Variants in KDM6A observed in about 807,000 individuals in gnomAD.
KDM6A encodes lysine-specific demethylase 6A.
KDM6A carries 11 observed loss-of-function variants against 117.6 expected under a neutral mutation model. That is an observed-to-expected ratio of 0.09 (90% CI 0.06 to 0.15). The LOEUF (loss-of-function observed/expected upper bound fraction) is 0.15, where lower values mean the gene tolerates loss of function less well. Ranked by LOEUF, KDM6A falls within the 10% of genes least tolerant of loss-of-function variation. KDM6A has a pLI of 1.00. For missense variants in KDM6A, 799 were observed against 1,077.3 expected (o/e 0.74, Z 3.62); for synonymous variants, 384 against 396.1 (o/e 0.97, Z 0.36).
At chrX:45,108,901 T>C (rs1178742971) in intron 28 of KDM6A, among the ~76,000 whole-genome samples, 1 of 96,890 alleles carries the variant, frequency 1.0e-5, no homozygotes, top group Non-Finnish European at 2.0e-5. Flanking sequence ...TTCTCACTCA[T>C]AGGTGGGAAT....
chrX:45,053,726 G>T, intron 9 of KDM6A, 103 bp from the exon 10 acceptor site: 1 of 640,335 alleles, frequency 1.6e-6, no homozygotes, highest in South Asian at 2.6e-5. Flanking sequence ...TTAATAAATT[G>T]ACAGAAAAGA....
chrX:44,880,588 C>T (rs940144255), intron 2 of KDM6A, among the ~76,000 whole-genome samples: 5 of 107,965 alleles, frequency 4.6e-5, no homozygotes, highest in African/African-American at 1.4e-4. Context: ...GTCAGGAGTT[C>T]GAGACCAGCC....
intron 5 of KDM6A, among the ~76,000 whole-genome samples, chrX:45,020,193 G>A (rs1193342974): frequency 9.0e-6 from 1 of 111,680 alleles, no homozygotes; most frequent in African/African-American, 3.2e-5. Context: ...TAAACTTTTA[G>A]AAAGAAGACT....
intron 6 of KDM6A, among the ~76,000 whole-genome samples, chrX:45,026,950 A>G (rs1020230982): frequency 9.0e-6 from 1 of 111,401 alleles, no homozygotes; most frequent in Non-Finnish European, 1.9e-5. Context: ...AATATTTGTA[A>G]TGTTTCTTTA....
chrX:44,918,555 T>C (rs1398687375), intron 2 of KDM6A, among the ~76,000 whole-genome samples: 2 of 111,478 alleles, frequency 1.8e-5, no homozygotes, highest in Non-Finnish European at 3.8e-5. Flanking sequence ...CATTTCTAAA[T>C]GATAGAAATT....
chrX:45,061,206 A>G (rs1398172939), intron 14 of KDM6A, 118 bp from the exon 15 acceptor site: 1 of 410,607 alleles, frequency 2.4e-6, no homozygotes, highest in East Asian at 4.4e-5. Context: ...ATGTTATAAC[A>G]TCTTTTTAAC....
rs147728227 is a variant in KDM6A, at chrX:45,080,506, C to T, written c.3300+1155C>T. Among the ~76,000 whole-genome samples, 703 of 111,632 alleles carry T rather than the reference C, an allele frequency of 6.3e-3. 5 individuals are homozygous for T. Among genetic ancestry groups the T allele is most frequent in the African/African-American group, 0.019 (598 of 30,747 alleles). ...TGTCTGCACTAAGTTGTTTTTTCTT[C>T]AAATGTCCTACCACTGACAGTATGT... On this transcript the variant is annotated intron_variant, in intron 21 of 29. Coordinates refer to ENST00000611820, the MANE Select transcript of KDM6A (RefSeq NM_001291415.2).
intron 2 of KDM6A, among the ~76,000 whole-genome samples, chrX:44,911,314 G>A (rs1166289124): frequency 9.1e-6 from 1 of 110,059 alleles, no homozygotes; most frequent in Non-Finnish European, 1.9e-5. Flanking sequence ...CTCAGACGGG[G>A]CGGCTGCCGG....
intron 2 of KDM6A, among the ~76,000 whole-genome samples, chrX:44,891,451 G>T (rs1350094128): frequency 9.0e-6 from 1 of 111,283 alleles, no homozygotes; most frequent in Non-Finnish European, 1.9e-5. Context: ...ATTTGTAGGG[G>T]TTTATTTCTG....
intron 2 of KDM6A, among the ~76,000 whole-genome samples, chrX:44,932,784 T>G (rs1367429788): frequency 8.9e-6 from 1 of 111,840 alleles, no homozygotes; most frequent in Non-Finnish European, 1.9e-5. Flanking sequence ...CTGGAGTGGT[T>G]CTATGAGACT....
intron 27 of KDM6A, among the ~76,000 whole-genome samples, chrX:45,099,775 C>T (rs1339955620): frequency 8.9e-6 from 1 of 111,934 alleles, no homozygotes; most frequent in Non-Finnish European, 1.9e-5. Flanking sequence ...TGGCTCACGC[C>T]TATAATCCCA....
chrX:45,103,869 T>A (rs929353516), intron 27 of KDM6A, among the ~76,000 whole-genome samples: 3 of 111,986 alleles, frequency 2.7e-5, no homozygotes, highest in Non-Finnish European at 3.8e-5. Context: ...CCAATACTGA[T>A]CCTTAAACGT....
intron 2 of KDM6A, among the ~76,000 whole-genome samples, chrX:44,890,718 G>A (rs1362945113): frequency 2.1e-5 from 2 of 93,527 alleles, no homozygotes; most frequent in South Asian, 6.0e-4. Context: ...GCAGTGGCGC[G>A]ATCTCGGCTC....
intron 2 of KDM6A, among the ~76,000 whole-genome samples, chrX:44,899,248 TGTG>T (rs2034165084): frequency 9.9e-6 from 1 of 100,675 alleles, no homozygotes; most frequent in African/African-American, 3.7e-5. Flanking sequence ...TGTGTGTGTG[TGTG>T]TGTGTGTGTG....
chrX:45,069,867 C>T lies in KDM6A; in HGVS notation c.2368C>T (p.Pro790Ser), dbSNP rs764815708. 8.3e-7 allele frequency: 1 copy of T among 1,209,721 alleles called. No homozygotes were observed. Among genetic ancestry groups the T allele is most frequent in the African/African-American group, 1.7e-5 (1 of 57,196 alleles). The change falls in exon 18 of 30, where the codon CCT becomes TCT. Residue 790 changes from proline (P) to serine (S), a missense_variant. By Grantham distance (74) the Pro-to-Ser change is moderately conservative. Coordinates refer to ENST00000611820, the MANE Select transcript of KDM6A (RefSeq NM_001291415.2). ...PETSRHTGETPNSTASVEGLP... is the reference protein window; with the variant it reads ...PETSRHTGETSNSTASVEGLP... The stretch of plus-strand genomic sequence containing the variant: ...AACAAGCAGGCACACTGGAGAGACA[C>T]CTAACAGCACTGCCAGTGTCGAGGG...
chrX:45,018,823 TAG>T (rs1208946674), intron 5 of KDM6A, among the ~76,000 whole-genome samples: 6 of 111,859 alleles, frequency 5.4e-5, no homozygotes, highest in African/African-American at 2.0e-4. Flanking sequence ...CCCATTCCAT[TAG>T]AGAGTTTTCT....
At chrX:45,000,167 T>TC (rs1346792148) in intron 4 of KDM6A, among the ~76,000 whole-genome samples, 1 of 112,456 alleles carries the variant, frequency 8.9e-6, no homozygotes, top group Non-Finnish European at 1.9e-5. Flanking sequence ...CCCTAGTTGT[T>TC]CAGCTATTCC....
At chrX:45,089,983 A>T (rs2045821815) in intron 26 of KDM6A, 53 bp downstream of exon 26, 1 of 987,280 alleles carries the variant, frequency 1.0e-6, no homozygotes, top group Non-Finnish European at 1.4e-6. Flanking sequence ...ATTATATCCA[A>T]TAGGACTGTT....
intron 27 of KDM6A, among the ~76,000 whole-genome samples, chrX:45,103,955 A>G (rs1160524713): frequency 9.1e-6 from 1 of 110,111 alleles, no homozygotes; most frequent in Non-Finnish European, 1.9e-5. Context: ...GCAAAATAGC[A>G]TTTTCCATCT....
Sources: gnomAD v4.1 joint callset for allele counts (sites outside exome capture counted in the v4.1 genomes callset) on GRCh38, gnomAD v4.1.1 for gene constraint, MANE v1.5 for transcripts, NCBI Gene and HGNC (gene_info 2026-07-23, HGNC 2026-07-21) for gene names.